DHX29: variants seen among roughly 807,000 people sequenced by gnomAD.
DHX29 encodes DExH-box helicase 29.
DHX29 carries 79 observed loss-of-function variants against 167.9 expected under a neutral mutation model. The observed-to-expected ratio is 0.47, with a 90% CI of 0.39 to 0.57. DHX29 has a LOEUF of 0.57. DHX29 is among the 20% of genes least tolerant of loss of function. The pLI is 0.00. For synonymous variants in DHX29, 530 were observed against 546.0 expected, an observed-to-expected ratio of 0.97 and a Z score of 0.41; for missense variants, 1,347 against 1,593.4, an observed-to-expected ratio of 0.85 and a Z score of 2.63.
intron 1 of DHX29, among the ~76,000 whole-genome samples, chr5:55,303,031 T>C (rs1054817339): frequency 4.6e-5 from 7 of 152,180 alleles, no homozygotes; most frequent in South Asian, 2.1e-4. Flanking sequence ...GCAACATATA[T>C]AGCTGGCTCT....
chr5:55,296,501 T>G (rs552411995), intron 3 of DHX29, 152 bp from the exon 4 acceptor site: 1 of 1,067,754 alleles, frequency 9.4e-7, no homozygotes. Context: ...ATGTGTTTAC[T>G]GAATTAAGAA....
In DHX29 at chr5:55,277,250, T is replaced by C; in HGVS notation, c.2142A>G (p.Leu714=). The C allele has an allele frequency of 2.5e-6, 4 of 1,608,940 alleles. No homozygotes were observed. The highest frequency in any genetic ancestry group is 2.2e-5 in the East Asian group (1 of 44,794). Residue 714 remains leucine, a synonymous_variant, in exon 13 of 27, where the codon CTA becomes CTG. Coordinates refer to ENST00000251636, the MANE Select transcript of DHX29 (RefSeq NM_019030.4). ...VHERSVQSDF[L]LIILKEILQK... ...GTAAAATTTCCTTCAAGATAATTAG[T>C]AGGAAGTCTGACTGGACACTTCTTT...
At chr5:55,292,687 C>T (rs1748110866) in intron 6 of DHX29, among the ~76,000 whole-genome samples, 1 of 152,156 alleles carries the variant, frequency 6.6e-6, no homozygotes, top group Non-Finnish European at 1.5e-5. Context: ...CAGTACTCAT[C>T]TATACATCTT....
intron 8 of DHX29, among the ~76,000 whole-genome samples, chr5:55,289,055 G>A (rs766652379): frequency 2.0e-5 from 3 of 152,178 alleles, no homozygotes; most frequent in Non-Finnish European, 4.4e-5. Flanking sequence ...ATCAGAGAGA[G>A]ATGAGACTGA....
chr5:55,267,393 A>C (rs1746633438), intron 22 of DHX29, among the ~76,000 whole-genome samples, 162 bp from the exon 23 acceptor site: 1 of 152,204 alleles, frequency 6.6e-6, no homozygotes, highest in Non-Finnish European at 1.5e-5. Flanking sequence ...GAATATTATT[A>C]ACAGATCTGT....
chr5:55,259,207 A>C (rs541309241), intron 26 of DHX29, among the ~76,000 whole-genome samples: 2 of 152,296 alleles, frequency 1.3e-5, no homozygotes, highest in African/African-American at 4.8e-5. Flanking sequence ...TAAGTAACAA[A>C]GTTTACTATG....
intron 1 of DHX29, among the ~76,000 whole-genome samples, chr5:55,306,165 C>T (rs2111995140): frequency 6.6e-6 from 1 of 152,214 alleles, no homozygotes; most frequent in South Asian, 2.1e-4. Flanking sequence ...TACAATAAAT[C>T]GCAGGGCAAA....
chr5:55,261,264 TAAG>T (rs1746300462), intron 25 of DHX29, 101 bp downstream of exon 25: 1 of 575,088 alleles, frequency 1.7e-6, no homozygotes, highest in Admixed American at 3.0e-5. Flanking sequence ...TAACTCATAT[TAAG>T]AAGAAATTAT....
At chr5:55,292,397 CT>C (rs1426811241) in intron 6 of DHX29, among the ~76,000 whole-genome samples, 1 of 152,160 alleles carries the variant, frequency 6.6e-6, no homozygotes, top group African/African-American at 2.4e-5. Context: ...ACAAATGTCT[CT>C]CTTCCTTTCC....
intron 13 of DHX29, among the ~76,000 whole-genome samples, chr5:55,276,835 CTT>C (rs1219252349): frequency 1.3e-5 from 2 of 152,038 alleles, no homozygotes; most frequent in Non-Finnish European, 2.9e-5. Context: ...GGCAGCAACT[CTT>C]AATCTGAATA....
chr5:55,305,558 A>G (rs527304821), intron 1 of DHX29, among the ~76,000 whole-genome samples: 1 of 152,374 alleles, frequency 6.6e-6, no homozygotes, highest in East Asian at 1.9e-4. Flanking sequence ...TTTCTGGAAG[A>G]TCAGTCTGAT....
At chr5:55,262,551 T>C in intron 24 of DHX29, 79 bp downstream of exon 24, 2 of 1,507,624 alleles carry the variant, frequency 1.3e-6, no homozygotes, top group Non-Finnish European at 1.8e-6. Flanking sequence ...ATAAAATACC[T>C]GTTAGGGCAT....
At chr5:55,285,482 T>C (rs1000806127) in intron 9 of DHX29, 66 bp from the exon 10 acceptor site, 14 of 1,467,330 alleles carry the variant, frequency 9.5e-6, no homozygotes, top group African/African-American at 4.3e-5. Flanking sequence ...AAACTCAGAA[T>C]TCCATTAACA....
intron 10 of DHX29, 114 bp downstream of exon 10, chr5:55,285,179 A>G: frequency 1.4e-6 from 2 of 1,457,720 alleles, no homozygotes; most frequent in Middle Eastern, 2.2e-4. Context: ...AGGAAGCCAA[A>G]TTAGGAATAA....
intron 25 of DHX29, among the ~76,000 whole-genome samples, 183 bp from the exon 26 acceptor site, chr5:55,260,127 T>A (rs1384496624): frequency 6.6e-6 from 1 of 152,350 alleles, no homozygotes. Flanking sequence ...AATTTCCTTA[T>A]TAAATCTGGT....
intron 6 of DHX29, among the ~76,000 whole-genome samples, chr5:55,290,742 T>C (rs550902698): frequency 1.3e-5 from 2 of 152,310 alleles, no homozygotes; most frequent in East Asian, 1.9e-4. Context: ...CAGCCAGGTG[T>C]GGTGGCTCAC....
chr5:55,265,555 G>A (rs1204288664), intron 23 of DHX29, among the ~76,000 whole-genome samples: 1 of 151,640 alleles, frequency 6.6e-6, no homozygotes, highest in Admixed American at 6.6e-5. Context: ...AAAAATAAAT[G>A]GCAAATAGGA....
rs555441248 is a variant in DHX29, at chr5:55,298,763, G to A, written c.188-99C>T. ...GCTAAATATTAGGCCGGGCGCGGTG[G>A]CTCACGCCTGTAATCCCAGCACTTT... On this transcript the variant is annotated intron_variant, in intron 1 of 26. Transcript: ENST00000251636. The A allele has an allele frequency of 3.1e-3, 1,688 of 551,952 alleles. 11 individuals carry two copies. Among genetic ancestry groups the A allele is most frequent in the Middle Eastern group, 0.015 (27 of 1,834 alleles). 34.2% of individuals were successfully genotyped at this position (551,952 alleles called of 1,614,324 possible).
intron 3 of DHX29, 71 bp from the exon 4 acceptor site, chr5:55,296,420 C>T (rs1401818892): frequency 1.8e-5 from 26 of 1,435,582 alleles, no homozygotes; most frequent in Non-Finnish European, 2.3e-5. Flanking sequence ...TTATCCCATT[C>T]ATTTTAAACC....
Sources: allele counts gnomAD v4.1 joint callset (sites outside exome capture counted in the v4.1 genomes callset), GRCh38; gene constraint gnomAD v4.1.1; transcripts MANE v1.5; gene names NCBI Gene and HGNC (gene_info 2026-07-23, HGNC 2026-07-21).